The following TBC1D4 variants were observed in gnomAD, a reference collection of about 807,000 sequenced individuals.
TBC1D4 encodes TBC1 domain family member 4, also known as TBC (Tre-2, BUB2, CDC16) domain-containing protein.
In TBC1D4, 121 loss-of-function variants were observed where a neutral mutation model predicts 142.5. The ratio of observed to expected loss-of-function variants is 0.85; its 90% CI spans 0.73 to 0.99. TBC1D4 has a LOEUF of 0.99. TBC1D4 is among the 50% of genes least tolerant of loss of function. TBC1D4 has a pLI of 0.00. For synonymous variants in TBC1D4, 630 were observed against 628.2 expected, an observed-to-expected ratio of 1.00 and a Z score of -0.04; for missense variants, 1,475 against 1,606.6, an observed-to-expected ratio of 0.92 and a Z score of 1.40.
intron 13 of TBC1D4, among the ~76,000 whole-genome samples, chr13:75,311,618 G>T (rs191187618): frequency 1.2e-4 from 19 of 152,016 alleles, no homozygotes; most frequent in Admixed American, 5.9e-4. Flanking sequence ...CCCTAGATCC[G>T]TTTCAATAGG....
At chr13:75,307,962 A>G (rs1341829127) in intron 14 of TBC1D4, among the ~76,000 whole-genome samples, 1 of 152,236 alleles carries the variant, frequency 6.6e-6, no homozygotes, top group Non-Finnish European at 1.5e-5. Flanking sequence ...TGGACAAAAC[A>G]TAATTACTTC....
Position 75,341,533 on chromosome 13 carries a change from G to C in TBC1D4, c.1463C>G (p.Thr488Arg). The change falls in exon 6 of 21, where the codon ACA becomes AGA. Residue 488 changes from threonine to arginine, a missense_variant. Around this residue, in one of 2 missense-constraint regions of TBC1D4, gnomAD observed 1,227 missense variants for 1,267.7 expected, o/e 0.97. Coordinates refer to ENST00000377636, the MANE Select transcript of TBC1D4 (RefSeq NM_014832.5). Reference sequence around the variant, plus strand: ...AAAGATGTCAGCTTGCTCATTATCTGTCAGTGATGAGAGATGCCTCTGTAT... The same window carrying C: ...AAAGATGTCAGCTTGCTCATTATCTCTCAGTGATGAGAGATGCCTCTGTAT... ...LVIQRHLSSLTDNEQADIFER... is the reference protein window; with the variant it reads ...LVIQRHLSSLRDNEQADIFER... 6.2e-7 allele frequency: 1 copy of C among 1,613,932 alleles called. No homozygotes were observed. The highest frequency in any genetic ancestry group is 1.3e-5 in the African/African-American group (1 of 74,948).
chr13:75,412,231 C>G lies in TBC1D4; in HGVS notation c.499-49624G>C, dbSNP rs546523730. Among the ~76,000 whole-genome samples, 5 of 152,164 alleles carry G rather than the reference C, an allele frequency of 3.3e-5. No individual in the cohort carries two copies. The East Asian group carries it at 9.7e-4, about 29-fold the overall frequency. On this transcript the variant is annotated intron_variant, in intron 1 of 20. Transcript: ENST00000377636. Reference sequence around the variant, plus strand: ...TCCAGTTTAAGTTAGGTAAGTAACCCCTTTATGGCTTCTAAATGCACAGAT... The same window carrying G: ...TCCAGTTTAAGTTAGGTAAGTAACCGCTTTATGGCTTCTAAATGCACAGAT...
chr13:75,342,664 A>C (rs1880809734), intron 5 of TBC1D4, among the ~76,000 whole-genome samples: 1 of 152,088 alleles, frequency 6.6e-6, no homozygotes, highest in East Asian at 1.9e-4. Context: ...TTTAAAAAAG[A>C]AAGTTTAATT....
intron 14 of TBC1D4, among the ~76,000 whole-genome samples, chr13:75,307,079 C>T (rs1165541021): frequency 1.3e-5 from 2 of 152,162 alleles, no homozygotes; most frequent in Admixed American, 6.5e-5. Context: ...CCCATCTCAG[C>T]CTCCTGGGTA....
At chr13:75,411,077 A>G (rs1885638727) in intron 1 of TBC1D4, among the ~76,000 whole-genome samples, 1 of 152,198 alleles carries the variant, frequency 6.6e-6, no homozygotes, top group South Asian at 2.1e-4. Context: ...AAAAAAGCCG[A>G]AAGAACCCAA....
intron 1 of TBC1D4, among the ~76,000 whole-genome samples, chr13:75,403,596 C>T (rs376456329): frequency 6.6e-6 from 1 of 152,128 alleles, no homozygotes; most frequent in Admixed American, 6.5e-5. Flanking sequence ...TGAGCTACTC[C>T]TTACTATCAT....
rs764685859 is a variant in TBC1D4, at chr13:75,356,173, C to T, written c.1249G>A (p.Val417Ile). Residue 417 changes from valine (V) to isoleucine (I), a missense_variant, in exon 4 of 21, where the codon GTA becomes ATA. Physicochemically the swap from Val to Ile is conservative, Grantham distance 29 (BLOSUM62 3). Around this residue, in one of 2 missense-constraint regions of TBC1D4, gnomAD observed 1,227 missense variants for 1,267.7 expected, o/e 0.97. Coordinates refer to ENST00000377636, the MANE Select transcript of TBC1D4 (RefSeq NM_014832.5). ...EPGLSQYICY[V>I]FQCASESLVD... ...AGAGATTCGCTGGCACACTGGAATA[C>T]ATAACAAATATACTGGCTAAGTCCA... 8 of 1,613,566 alleles carry T rather than the reference C, an allele frequency of 5.0e-6. 1 individual carries two copies. The South Asian group carries it at 7.7e-5, about 16-fold the overall frequency.
chr13:75,350,445 C>G (rs1048842255), intron 4 of TBC1D4, among the ~76,000 whole-genome samples: 1 of 152,150 alleles, frequency 6.6e-6, no homozygotes, highest in African/African-American at 2.4e-5. Flanking sequence ...TTTGTTATAT[C>G]AGCAACCTTA....
At chr13:75,426,157 T>C (rs1417020690) in intron 1 of TBC1D4, among the ~76,000 whole-genome samples, 1 of 152,000 alleles carries the variant, frequency 6.6e-6, no homozygotes, top group East Asian at 1.9e-4. Flanking sequence ...AAAGAAGACA[T>C]AAAAATGGCC....
At chr13:75,288,687 T>C (rs1297089525) in intron 20 of TBC1D4, among the ~76,000 whole-genome samples, 1 of 152,166 alleles carries the variant, frequency 6.6e-6, no homozygotes, top group Non-Finnish European at 1.5e-5. Context: ...ATCTATAACA[T>C]GCAACAGGTA....
chr13:75,342,059 A>G (rs573659390), intron 5 of TBC1D4, among the ~76,000 whole-genome samples: 1 of 151,976 alleles, frequency 6.6e-6, no homozygotes, highest in South Asian at 2.1e-4. Flanking sequence ...TTAGCCAGCC[A>G]TGGTGGCGGG....
At chr13:75,424,361 CA>C (rs1166480586) in intron 1 of TBC1D4, among the ~76,000 whole-genome samples, 1 of 150,876 alleles carries the variant, frequency 6.6e-6, no homozygotes, top group Non-Finnish European at 1.5e-5. Context: ...TCAATGAATT[CA>C]AAATCTTTTA....
At chr13:75,338,658 A>G (rs188962770) in intron 7 of TBC1D4, among the ~76,000 whole-genome samples, 3 of 152,282 alleles carry the variant, frequency 2.0e-5, no homozygotes, top group East Asian at 1.9e-4. Context: ...CATGTCTTCC[A>G]TATTTATACT....
intron 1 of TBC1D4, among the ~76,000 whole-genome samples, chr13:75,406,780 C>G (rs774330086): frequency 1.3e-4 from 20 of 152,176 alleles, no homozygotes; most frequent in Non-Finnish European, 2.6e-4. Context: ...GATTAAACCA[C>G]TACATGTGCT....
At chr13:75,302,179 A>G in intron 16 of TBC1D4, 64 bp downstream of exon 16, 1 of 1,607,786 alleles carries the variant, frequency 6.2e-7, no homozygotes, top group Non-Finnish European at 8.5e-7. Flanking sequence ...ACAAAAACCA[A>G]AAAAACTTAA....
At chr13:75,461,750 G>A (rs1887977824) in intron 1 of TBC1D4, among the ~76,000 whole-genome samples, 2 of 152,178 alleles carry the variant, frequency 1.3e-5, no homozygotes, top group African/African-American at 4.8e-5. Context: ...ATGAAAACCT[G>A]CAGAAGGCTT....
chr13:75,306,589 T>C (rs1303842509), intron 14 of TBC1D4, 118 bp from the exon 15 acceptor site: 2 of 1,214,768 alleles, frequency 1.6e-6, no homozygotes, highest in African/African-American at 1.5e-5. Context: ...TGGTAGTGTA[T>C]CTCAAAAAGA....
rs149009289 is a variant in TBC1D4, at chr13:75,288,304, CT to C, written c.3663+629del. Among the ~76,000 whole-genome samples, 364 of 152,296 alleles carry C rather than the reference CT, an allele frequency of 2.4e-3. 2 individuals carry two copies. The highest frequency in any genetic ancestry group is 8.4e-3 in the African/African-American group (348 of 41,566). On this transcript the variant is annotated intron_variant, in intron 20 of 20. Coordinates refer to ENST00000377636, the MANE Select transcript of TBC1D4 (RefSeq NM_014832.5). ...CTTTTAGCAGGCCTCCTTACCTTCT[CT>C]CCCATCTCAATCTGTCCTCGTCAAG...
Sources: allele counts gnomAD v4.1 joint callset (sites outside exome capture counted in the v4.1 genomes callset), GRCh38; gene constraint gnomAD v4.1.1; regional missense constraint gnomAD v4.1.1; transcripts MANE v1.5; gene names NCBI Gene and HGNC (gene_info 2026-07-23, HGNC 2026-07-21).